The following PDE4D variants were observed in gnomAD, a reference collection of about 807,000 sequenced individuals.
PDE4D encodes 3',5'-cyclic-AMP phosphodiesterase 4D.
A neutral mutation model predicts 87.4 loss-of-function variants in PDE4D; 24 were observed. The observed-to-expected ratio is 0.27, with a 90% CI of 0.20 to 0.39. The LOEUF (loss-of-function observed/expected upper bound fraction) is 0.39, where lower values mean the gene tolerates loss of function less well. Among genes scored for constraint, PDE4D ranks in the 10% least tolerant of loss-of-function variants. The pLI, the probability that PDE4D is intolerant of heterozygous loss-of-function variation, is 1.00. For synonymous variants in PDE4D, 384 were observed against 383.2 expected, an observed-to-expected ratio of 1.00 and a Z score of -0.02; for missense variants, 714 against 1,041.0, an observed-to-expected ratio of 0.69 and a Z score of 4.32.
chr5:59,633,037 CATAA>C lies in PDE4D; in HGVS notation c.455+260127_455+260130del, dbSNP rs1831772703. ...CTAGAATAACCAGTTTAGAGAAGAA[CATAA>C]ATAACCTGATGGAGTTGAAAAAACA... On this transcript the variant is annotated intron_variant, in intron 1 of 14. Coordinates refer to ENST00000340635, the MANE Select transcript of PDE4D (RefSeq NM_001104631.2). Among the ~76,000 whole-genome samples the C allele has an allele frequency of 2.0e-5, 3 of 152,066 alleles. No individual in the cohort carries two copies. The South Asian group carries it at 6.2e-4, about 32-fold the overall frequency.
chr5:60,034,700 TA>T (rs1767592174), intron 2 of PDE4D, among the ~76,000 whole-genome samples: 1 of 152,334 alleles, frequency 6.6e-6, no homozygotes, highest in African/African-American at 2.4e-5. Context: ...CCACAGGCAG[TA>T]ATACAACTTA....
chr5:59,934,137 T>C (rs1184518162), intron 3 of PDE4D, among the ~76,000 whole-genome samples: 1 of 152,104 alleles, frequency 6.6e-6, no homozygotes, highest in Non-Finnish European at 1.5e-5. Context: ...TGGCTAATTT[T>C]TGTATTTTTA....
At chr5:59,207,569 T>G (rs1429193276) in intron 2 of PDE4D, among the ~76,000 whole-genome samples, 1 of 152,148 alleles carries the variant, frequency 6.6e-6, no homozygotes, top group African/African-American at 2.4e-5. Flanking sequence ...ATTCTTTTGG[T>G]ATGCACTGAA....
intron 1 of PDE4D, among the ~76,000 whole-genome samples, chr5:59,750,994 T>C (rs1011759380): frequency 2.7e-5 from 4 of 150,404 alleles, no homozygotes; most frequent in Admixed American, 6.6e-5. Context: ...TGGAAGACTG[T>C]CTATTTCATT....
At chr5:59,623,745 A>C (rs298051) in intron 1 of PDE4D, among the ~76,000 whole-genome samples, 2 of 152,068 alleles carry the variant, frequency 1.3e-5, no homozygotes, top group African/African-American at 4.8e-5. Context: ...CTAGATGTTC[A>C]ATGAATCGTG....
intron 1 of PDE4D, among the ~76,000 whole-genome samples, chr5:60,427,426 C>T (rs1005695698): frequency 4.6e-5 from 7 of 152,008 alleles, no homozygotes; most frequent in Non-Finnish European, 7.4e-5. Flanking sequence ...AAAGGAAAAA[C>T]GAAAACAAAG....
At chr5:59,491,441 T>C (rs149844115) in intron 1 of PDE4D, among the ~76,000 whole-genome samples, 71 of 152,314 alleles carry the variant, frequency 4.7e-4, no homozygotes, top group African/African-American at 1.6e-3. Context: ...AAGCAAGTTA[T>C]CATATTTGAT....
intron 1 of PDE4D, among the ~76,000 whole-genome samples, chr5:59,615,841 T>C (rs1034833128): frequency 6.6e-6 from 1 of 152,198 alleles, no homozygotes; most frequent in Non-Finnish European, 1.5e-5. Context: ...AAGAGGACTA[T>C]CTTACAGCGA....
At chr5:59,886,986 G>A (rs1250977600) in intron 1 of PDE4D, among the ~76,000 whole-genome samples, 6 of 151,934 alleles carry the variant, frequency 3.9e-5, no homozygotes, top group African/African-American at 9.7e-5. Flanking sequence ...AGAGGCTATT[G>A]CGATAGTTTA....
chr5:60,423,560 T>C, intron 1 of PDE4D, among the ~76,000 whole-genome samples: 1 of 151,514 alleles, frequency 6.6e-6, no homozygotes. Context: ...TAGAGGGAAA[T>C]TTATAGCACT....
At chr5:60,420,986 G>T (rs1398227850) in intron 1 of PDE4D, among the ~76,000 whole-genome samples, 1 of 152,216 alleles carries the variant, frequency 6.6e-6, no homozygotes, top group African/African-American at 2.4e-5. Flanking sequence ...GGGGGGAGGG[G>T]TGTTCACCAT....
chr5:59,502,184 A>G (rs1808402624), intron 1 of PDE4D, among the ~76,000 whole-genome samples: 1 of 152,088 alleles, frequency 6.6e-6, no homozygotes, highest in African/African-American at 2.4e-5. Flanking sequence ...AAAGGTCCTC[A>G]ATAGCATGAA....
intron 1 of PDE4D, among the ~76,000 whole-genome samples, chr5:60,211,637 A>G (rs918224689): frequency 6.6e-6 from 1 of 151,056 alleles, no homozygotes. Context: ...TTCTCATTTA[A>G]TGTTTCCATA....
intron 5 of PDE4D, among the ~76,000 whole-genome samples, chr5:59,095,166 A>G (rs1288549949): frequency 6.6e-6 from 1 of 151,820 alleles, no homozygotes; most frequent in African/African-American, 2.4e-5. Flanking sequence ...CATAACTAAG[A>G]ATGAGTGACT....
At chr5:59,704,626 T>C (rs1753112279) in intron 1 of PDE4D, among the ~76,000 whole-genome samples, 1 of 152,236 alleles carries the variant, frequency 6.6e-6, no homozygotes, top group East Asian at 1.9e-4. Context: ...TTTGCTATAA[T>C]TCCTGAATCC....
intron 5 of PDE4D, among the ~76,000 whole-genome samples, chr5:59,068,458 G>A (rs1039930447): frequency 1.3e-5 from 2 of 152,144 alleles, no homozygotes; most frequent in Non-Finnish European, 2.9e-5. Context: ...GACACTGACA[G>A]ATGCTGGATT....
At chr5:60,329,145 T>C (rs975782358) in intron 1 of PDE4D, among the ~76,000 whole-genome samples, 1 of 152,208 alleles carries the variant, frequency 6.6e-6, no homozygotes, top group Admixed American at 6.5e-5. Context: ...ATCCTATTAA[T>C]GTGGTTTAGT....
At chr5:60,183,524 G>GAACTCACTAAGA (rs1784539041) in intron 2 of PDE4D, among the ~76,000 whole-genome samples, 1 of 152,172 alleles carries the variant, frequency 6.6e-6, no homozygotes, top group Non-Finnish European at 1.5e-5. Context: ...ACTAAGTAAG[G>GAACTCACTAAGA]TGATCGTTTA....
At position 58,974,910 on chromosome 5, in the gene PDE4D, C is replaced by A. The variant is rs760459130; in HGVS notation, c.2184G>T (p.Gln728His). ...PAPDDPEEGR[Q>H]GQTEKFQFEL... ...CAAACTGGAATTTCTCAGTTTGACC[C>A]TGCCGGCCCTCCTCTGGGTCATCAG... Residue 728 changes from glutamine (Q) to histidine (H), a missense_variant, in exon 15 of 15, where the codon CAG becomes CAT. This residue lies in a region of PDE4D where 90 missense variants were observed against 95.3 expected (regional missense o/e 0.94). Coordinates refer to ENST00000340635, the MANE Select transcript of PDE4D (RefSeq NM_001104631.2). 2.5e-5 allele frequency: 40 copies of A among 1,612,640 alleles called. No individual in the cohort carries two copies. The South Asian group carries it at 4.3e-4, about 17-fold the overall frequency.
Sources: allele counts gnomAD v4.1 joint callset (sites outside exome capture counted in the v4.1 genomes callset), GRCh38; gene constraint gnomAD v4.1.1; regional missense constraint gnomAD v4.1.1; transcripts MANE v1.5; gene names NCBI Gene and HGNC (gene_info 2026-07-23, HGNC 2026-07-21).